IPO13: variants seen among roughly 807,000 people sequenced by gnomAD.
The protein encoded by IPO13 is importin-13.
Under a neutral mutation model 115.5 loss-of-function variants are expected in IPO13, and 28 were observed. The ratio of observed to expected loss-of-function variants is 0.24; its 90% CI spans 0.18 to 0.33. The LOEUF (loss-of-function observed/expected upper bound fraction) is 0.33. Ranked by LOEUF, IPO13 falls within the 10% of genes least tolerant of loss-of-function variation. The probability of loss-of-function intolerance (pLI) is 1.00; values close to 1 mark genes in which losing one functional copy is unlikely to be tolerated. For synonymous variants in IPO13, 414 were observed against 478.9 expected (o/e 0.86, Z 1.77); for missense variants, 785 against 1,204.6 (o/e 0.65, Z 5.16).
At position 43,966,978 on chromosome 1, in the gene IPO13, G is replaced by A. The variant is rs1464931970; in HGVS notation, c.2572G>A (p.Val858Ile). ...GGAAGTAGAGTCTGTGGGAAAGGTG[G>A]TACAGGAAGACGGTCGTATGCTGCT... The part of the protein sequence containing the change: ...CGEVESVGKV[V>I]QEDGRMLLIA... Residue 858 changes from valine (V) to isoleucine (I), a missense_variant, in exon 18 of 20, where the codon GTA becomes ATA. Coordinates refer to ENST00000372343, the MANE Select transcript of IPO13 (RefSeq NM_014652.4). The surrounding 1 kb of genome is among the most constrained non-coding windows in gnomAD (Gnocchi z 4.1). 3.1e-6 allele frequency: 5 copies of A among 1,613,750 alleles called. No individual in the cohort carries two copies. The highest frequency in any genetic ancestry group is 1.7e-5 in the Admixed American group (1 of 60,004).
chr1:43,958,653 G>A lies in IPO13; in HGVS notation c.1884+58G>A, dbSNP rs1425891849. 1 of 1,612,392 alleles carries A rather than the reference G, an allele frequency of 6.2e-7. No individual in the cohort carries two copies. The highest frequency in any genetic ancestry group is 8.5e-7 in the Non-Finnish European group (1 of 1,178,944). ...TGAGATGCTGTGGCTGATGAGGGGTGAGGTTGGAGCTGGCCCTCAGAGCTG... is the reference window on the plus strand; with the variant it reads ...TGAGATGCTGTGGCTGATGAGGGGTAAGGTTGGAGCTGGCCCTCAGAGCTG... On this transcript the variant is annotated intron_variant, in intron 10 of 19. Transcript: ENST00000372343. This position sits in a 1 kb window ranked among gnomAD's most constrained non-coding sequence, Gnocchi z 6.3.
chr1:43,957,103 G>A, intron 5 of IPO13, 92 bp from the exon 6 acceptor site: 1 of 1,572,934 alleles, frequency 6.4e-7, no homozygotes, highest in Non-Finnish European at 8.6e-7. Context: ...TTGTTGCAGA[G>A]TTGTGGGGGT....
chr1:43,958,568 G>A lies in IPO13; in HGVS notation c.1857G>A (p.Gln619=). 6.2e-7 allele frequency: 1 copy of A among 1,614,098 alleles called. No homozygotes were observed. Among genetic ancestry groups the A allele is most frequent in the Admixed American group, 1.7e-5 (1 of 60,020 alleles). Residue 619 remains glutamine (Q), a synonymous_variant, in exon 10 of 20, where the codon CAG becomes CAA. Transcript: ENST00000372343. This position sits in a 1 kb window ranked among gnomAD's most constrained non-coding sequence, Gnocchi z 6.3. ...NLHSLISPYI[Q]QLEKLAEEIP... is the part of the protein sequence containing the mutation. ...ACTCGCTTATCTCACCCTATATCCA[G>A]CAACTGGAGAAGCTGGCAGAGGAGA...
Position 43,958,769 on chromosome 1 carries a change from C to T in IPO13, c.1908C>T (p.Ala636=). The change falls in exon 11 of 20, where the codon GCC becomes GCT. Residue 636 remains alanine, a synonymous_variant. Transcript: ENST00000372343. This position sits in a 1 kb window ranked among gnomAD's most constrained non-coding sequence, Gnocchi z 6.3. The part of the protein sequence containing the change: ...EEIPNPSNKL[A]IVHILGLLSN... ...AGCCCAATCCCTCCAACAAGCTGGC[C>T]ATTGTTCACATCTTGGGGCTTCTCT... 1 of 1,614,162 alleles carries T rather than the reference C, an allele frequency of 6.2e-7. No individual in the cohort carries two copies. Among genetic ancestry groups the T allele is most frequent in the Non-Finnish European group, 8.5e-7 (1 of 1,180,028 alleles).
chr1:43,961,323 T>C, intron 14 of IPO13, 61 bp downstream of exon 14: 4 of 1,377,232 alleles, frequency 2.9e-6, no homozygotes, highest in Non-Finnish European at 4.1e-6. Context: ...CTTCCCCAAA[T>C]GGGGAGCCAA....
In IPO13 at chr1:43,960,293, G is replaced by A; in HGVS notation, c.2073G>A (p.Val691=). 6.2e-7 allele frequency: 1 copy of A among 1,614,178 alleles called. No homozygotes were observed. The highest frequency in any genetic ancestry group is 8.5e-7 in the Non-Finnish European group (1 of 1,180,024). ...AGGTCTTCCAGCTTATCCAGAAGGT[G>A]CTGAGCAAATGGTTGAATGATGCCC... ...LQQVFQLIQK[V]LSKWLNDAQV... The change falls in exon 12 of 20, where the codon GTG becomes GTA. Residue 691 remains valine, a synonymous_variant. Coordinates refer to ENST00000372343, the MANE Select transcript of IPO13 (RefSeq NM_014652.4).
At chr1:43,964,785 C>T (rs577740389) in intron 15 of IPO13, among the ~76,000 whole-genome samples, 8 of 152,260 alleles carry the variant, frequency 5.3e-5, no homozygotes, top group South Asian at 2.1e-4. Flanking sequence ...GAGGAATGTG[C>T]GCGGTGGAGC....
Position 43,960,914 on chromosome 1 carries a change from G to A in IPO13, c.2148G>A (p.Leu716=). The A allele has an allele frequency of 6.2e-7, 1 of 1,614,220 alleles. No individual in the cohort carries two copies. Among genetic ancestry groups the A allele is most frequent in the South Asian group, 1.1e-5 (1 of 91,088 alleles). The change falls in exon 13 of 20, where the codon CTG becomes CTA. Residue 716 remains leucine, a synonymous_variant. Coordinates refer to ENST00000372343, the MANE Select transcript of IPO13 (RefSeq NM_014652.4). ...CAIFEKSVKT[L]LDDFAPMVPQ... ...TCTTTGAGAAGTCTGTTAAGACGCT[G>A]CTGGATGACTTTGCCCCCATGGTGC...
Position 43,958,247 on chromosome 1 carries a change from G to T in IPO13, c.1728G>T (p.Val576=). 2 of 1,614,182 alleles carry T rather than the reference G, an allele frequency of 1.2e-6. No individual in the cohort carries two copies. Among genetic ancestry groups the T allele is most frequent in the Non-Finnish European group, 1.7e-6 (2 of 1,180,038 alleles). ...AANIVAVSQD[V]LMKQIHKTSQ... ...TTCCTTCTTTCTCCCCTCAGGATGT[G>T]CTGATGAAACAGATCCACAAGGTGC... Residue 576 remains valine (V), a synonymous_variant, in exon 9 of 20, where the codon GTG becomes GTT. Transcript: ENST00000372343. This position sits in a 1 kb window ranked among gnomAD's most constrained non-coding sequence, Gnocchi z 6.3.
chr1:43,964,700 G>A (rs1571772470), intron 15 of IPO13, among the ~76,000 whole-genome samples: 1 of 152,132 alleles, frequency 6.6e-6, no homozygotes, highest in African/African-American at 2.4e-5. Flanking sequence ...GCTCCTGCCG[G>A]GAACTGCCTG....
chr1:43,957,700 AG>A, intron 7 of IPO13, 151 bp downstream of exon 7: 1 of 1,030,258 alleles, frequency 9.7e-7, no homozygotes, highest in East Asian at 2.5e-5. Context: ...TGGCAGGTCT[AG>A]GGGGTCCATC....
At chr1:43,964,683 T>C (rs1237558529) in intron 15 of IPO13, among the ~76,000 whole-genome samples, 1 of 152,044 alleles carries the variant, frequency 6.6e-6, no homozygotes, top group Non-Finnish European at 1.5e-5. Flanking sequence ...GGGTACACTG[T>C]CCCCGTGCTC....
Position 43,957,457 on chromosome 1 carries a change from A to G in IPO13, c.1448A>G (p.Asn483Ser), listed in dbSNP as rs1170437737. ...FQSIAETIDV[N>S]YSDVVPGLIG... is the part of the protein sequence containing the mutation. ...TCCATCGCAGAGACCATTGACGTCA[A>G]CTATTCTGATGTGGTGCCTGGGCTC... Residue 483 changes from asparagine (N) to serine (S), a missense_variant, in exon 7 of 20, where the codon AAC becomes AGC. By Grantham distance (46) the Asn-to-Ser change is conservative. Transcript: ENST00000372343. 6.2e-7 allele frequency: 1 copy of G among 1,614,204 alleles called. No individual in the cohort carries two copies. The highest frequency in any genetic ancestry group is 8.5e-7 in the Non-Finnish European group (1 of 1,180,040).
chr1:43,963,705 G>T (rs1238950675), intron 14 of IPO13, among the ~76,000 whole-genome samples: 1 of 152,208 alleles, frequency 6.6e-6, no homozygotes, highest in African/African-American at 2.4e-5. Context: ...GGACTGAATA[G>T]ATTATTTTCC....
In IPO13 at chr1:43,960,258, G is replaced by A; in HGVS notation, c.2038G>A (p.Val680Met). The change falls in exon 12 of 20, where the codon GTG becomes ATG. Residue 680 changes from valine (V) to methionine (M), a missense_variant. Physicochemically the swap from Val to Met is conservative, Grantham distance 21. Coordinates refer to ENST00000372343, the MANE Select transcript of IPO13 (RefSeq NM_014652.4). ...VPQGPNPVVVVLQQVFQLIQK... is the reference protein window; with the variant it reads ...VPQGPNPVVVMLQQVFQLIQK... Reference sequence around the variant, plus strand: ...CTTCCTGTGCCTTCAGGTGGTGGTGGTGCTGCAGCAGGTCTTCCAGCTTAT... The same window carrying A: ...CTTCCTGTGCCTTCAGGTGGTGGTGATGCTGCAGCAGGTCTTCCAGCTTAT... 1.9e-6 allele frequency: 3 copies of A among 1,614,164 alleles called. No individual in the cohort carries two copies. The highest frequency in any genetic ancestry group is 2.5e-6 in the Non-Finnish European group (3 of 1,180,024).
chr1:43,962,138 C>T (rs1341803035), intron 14 of IPO13, among the ~76,000 whole-genome samples: 2 of 152,080 alleles, frequency 1.3e-5, no homozygotes, highest in Non-Finnish European at 2.9e-5. Flanking sequence ...TGATCCTGGC[C>T]TCTGTTTCTG....
At chr1:43,963,891 T>G (rs1421152932) in intron 14 of IPO13, among the ~76,000 whole-genome samples, 1 of 150,488 alleles carries the variant, frequency 6.6e-6, no homozygotes, top group Non-Finnish European at 1.5e-5. Flanking sequence ...TGATGGGAGG[T>G]ATGTGCTAGG....
At chr1:43,961,088 C>T (rs2085286667) in intron 13 of IPO13, 75 bp downstream of exon 13, 2 of 1,608,840 alleles carry the variant, frequency 1.2e-6, no homozygotes, top group Non-Finnish European at 1.7e-6. Flanking sequence ...GCTGGGGTCC[C>T]CACTTGCATT....
intron 14 of IPO13, among the ~76,000 whole-genome samples, chr1:43,962,306 C>T (rs1408963868): frequency 6.6e-6 from 1 of 152,204 alleles, no homozygotes; most frequent in Non-Finnish European, 1.5e-5. Context: ...CTTCTACCCA[C>T]CTCCGTGGCC....
Sources: gnomAD v4.1 joint callset for allele counts (sites outside exome capture counted in the v4.1 genomes callset) on GRCh38, gnomAD v4.1.1 for gene constraint, Gnocchi (gnomAD v3.1) non-coding constraint, MANE v1.5 for transcripts, NCBI Gene and HGNC (gene_info 2026-07-23, HGNC 2026-07-21) for gene names.